The following DSTYK variants were observed in gnomAD, a reference collection of about 807,000 sequenced individuals.
DSTYK encodes RIP-homologous kinase.
DSTYK carries 34 observed loss-of-function variants against 98.7 expected under a neutral mutation model. The observed-to-expected ratio is 0.34, with a 90% CI of 0.26 to 0.46. DSTYK has a LOEUF of 0.46. Ranked by LOEUF, DSTYK falls within the 20% of genes least tolerant of loss-of-function variation. DSTYK has a pLI of 1.00. For synonymous variants in DSTYK, 462 were observed against 457.3 expected, an observed-to-expected ratio of 1.01 and a Z score of -0.13; for missense variants, 962 against 1,181.7, an observed-to-expected ratio of 0.81 and a Z score of 2.73.
At chr1:205,160,489 C>T (rs1027562670) in intron 7 of DSTYK, among the ~76,000 whole-genome samples, 14 of 152,216 alleles carry the variant, frequency 9.2e-5, no homozygotes, top group African/African-American at 3.4e-4. Context: ...GCATACGCCA[C>T]CACGCACAGC....
intron 12 of DSTYK, 113 bp downstream of exon 12, chr1:205,148,092 A>G: frequency 7.9e-7 from 1 of 1,271,134 alleles, no homozygotes; most frequent in Non-Finnish European, 1.1e-6. Flanking sequence ...AAACGTATCT[A>G]CGGCCCTGCT....
chr1:205,194,794 C>T (rs1256527257), intron 1 of DSTYK, among the ~76,000 whole-genome samples: 6 of 148,892 alleles, frequency 4.0e-5, no homozygotes, highest in Non-Finnish European at 9.0e-5. Flanking sequence ...CTCCCTGGTT[C>T]AAGCAATTCC....
chr1:205,202,717 A>G, intron 1 of DSTYK: 1 of 840,552 alleles, frequency 1.2e-6, no homozygotes. Context: ...GAAACTGAAG[A>G]AACAAAAACT....
intron 5 of DSTYK, 45 bp from the exon 6 acceptor site, chr1:205,162,257 G>T (rs1657749407): frequency 1.2e-6 from 2 of 1,601,434 alleles, no homozygotes; most frequent in East Asian, 4.5e-5. Flanking sequence ...TGAGAGACAA[G>T]AACCACTACA....
intron 1 of DSTYK, among the ~76,000 whole-genome samples, chr1:205,195,800 C>T (rs1658849077): frequency 6.6e-6 from 1 of 152,212 alleles, no homozygotes; most frequent in African/African-American, 2.4e-5. Flanking sequence ...TCCCTGGGAG[C>T]CACGTGAAAT....
chr1:205,199,714 T>C (rs900312210), intron 1 of DSTYK, among the ~76,000 whole-genome samples: 3 of 152,180 alleles, frequency 2.0e-5, no homozygotes, highest in Non-Finnish European at 4.4e-5. Context: ...AGTCTTGTTA[T>C]GAATGACACT....
intron 11 of DSTYK, among the ~76,000 whole-genome samples, chr1:205,148,755 TTA>T (rs1265130130): frequency 6.6e-6 from 1 of 152,144 alleles, no homozygotes; most frequent in African/African-American, 2.4e-5. Flanking sequence ...AGGAAGTCAT[TTA>T]TGTTTTAGAG....
At chr1:205,157,457 C>T in intron 9 of DSTYK, 71 bp from the exon 10 acceptor site, 2 of 1,260,546 alleles carry the variant, frequency 1.6e-6, no homozygotes, top group Non-Finnish European at 1.2e-6. Context: ...TACTAGGGCA[C>T]ATGAGGACAG....
In DSTYK at chr1:205,143,043, T is replaced by A. The variant is rs554071550; in HGVS notation, c.*4515A>T. 1 of 152,232 alleles carries A rather than the reference T, an allele frequency of 6.6e-6. No homozygotes were observed. The highest frequency in any genetic ancestry group is 1.5e-5 in the Non-Finnish European group (1 of 68,050). The allele number at this position is 152,232 out of a possible 1,614,324, so 9.4% of individuals were successfully genotyped here. A position where few individuals can be genotyped will look rare whatever the true frequency, so the allele number is the denominator to read the frequency against. Reference sequence around the variant, plus strand: ...GCTACTGGAAACCTCCAGGAGAGTTTGGAATACAAGTGTCTCAAGGCCACT... The same window carrying A: ...GCTACTGGAAACCTCCAGGAGAGTTAGGAATACAAGTGTCTCAAGGCCACT... On this transcript the variant is annotated 3_prime_UTR_variant, in exon 13 of 13. Transcript: ENST00000367162.
intron 2 of DSTYK, among the ~76,000 whole-genome samples, chr1:205,181,656 T>TGTGTGTGTGTGTGTG (rs1558616449): frequency 3.0e-4 from 43 of 142,640 alleles, no homozygotes; most frequent in East Asian, 1.7e-3. Context: ...ATGTTGGGGT[T>TGTGTGTGTGTGTGTG]TGTGTGTGTG....
chr1:205,205,118 AT>A (rs1659160560), intron 1 of DSTYK, among the ~76,000 whole-genome samples: 1 of 152,212 alleles, frequency 6.6e-6, no homozygotes, highest in Non-Finnish European at 1.5e-5. Flanking sequence ...ATTATCTTTT[AT>A]TAAAAGTAAT....
intron 1 of DSTYK, among the ~76,000 whole-genome samples, chr1:205,208,214 C>T (rs762325375): frequency 1.4e-4 from 21 of 152,288 alleles, no homozygotes; most frequent in South Asian, 2.1e-4. Context: ...ATGTACATTA[C>T]ATATTCTCTA....
chr1:205,166,626 G>A (rs1657898863), intron 3 of DSTYK, among the ~76,000 whole-genome samples: 1 of 152,200 alleles, frequency 6.6e-6, no homozygotes, highest in Admixed American at 6.5e-5. Flanking sequence ...CCTCCATTCT[G>A]TGTAATATGA....
At chr1:205,155,977 A>AGAG (rs1460607325) in intron 10 of DSTYK, among the ~76,000 whole-genome samples, 1 of 152,228 alleles carries the variant, frequency 6.6e-6, no homozygotes, top group African/African-American at 2.4e-5. Flanking sequence ...CACATAGCTC[A>AGAG]GGCCATTGCT....
At position 205,187,664 on chromosome 1, in the gene DSTYK, C is replaced by T. The variant is rs750676400; in HGVS notation, c.408G>A (p.Val136=). 3.7e-6 allele frequency: 6 copies of T among 1,614,090 alleles called. No individual in the cohort carries two copies. Among genetic ancestry groups the T allele is most frequent in the East Asian group, 2.2e-5 (1 of 44,892 alleles). ...CACTGCCCAGCTTGGTGGTGGGAAG[C>T]ACCTGCACCCCCAACAGCAGATTCA... The part of the protein sequence containing the change: ...QLLNLLLGVQ[V]LPTTKLGSEE... The change falls in exon 2 of 13, where the codon GTG becomes GTA. Residue 136 remains valine, a synonymous_variant. Transcript: ENST00000367162.
Position 205,160,213 on chromosome 1 carries a change from C to T in DSTYK, c.2006G>A (p.Cys669Tyr). 6.2e-7 allele frequency: 1 copy of T among 1,614,150 alleles called. No individual in the cohort carries two copies. The highest frequency in any genetic ancestry group is 8.5e-7 in the Non-Finnish European group (1 of 1,180,028). Residue 669 changes from cysteine to tyrosine, a missense_variant, in exon 8 of 13, where the codon TGT becomes TAT. Around this residue, in one of 4 missense-constraint regions of DSTYK, gnomAD observed 660 missense variants for 855.0 expected, o/e 0.77. Coordinates refer to ENST00000367162, the MANE Select transcript of DSTYK (RefSeq NM_015375.3). ...GRGQYGVVYL[C>Y]DNWGGHFPCA... The stretch of plus-strand genomic sequence containing the variant: ...AGGGAAGTGTCCTCCCCAGTTGTCA[C>T]ACAGGTATACCACACCATACTGGCC...
intron 1 of DSTYK, among the ~76,000 whole-genome samples, chr1:205,188,149 A>T (rs1237450208): frequency 2.0e-5 from 3 of 152,164 alleles, no homozygotes; most frequent in Admixed American, 6.5e-5. Context: ...AAACACCAAG[A>T]TTATTAAAAT....
chr1:205,175,030 C>G (rs887732353), intron 2 of DSTYK, among the ~76,000 whole-genome samples: 9 of 151,852 alleles, frequency 5.9e-5, no homozygotes, highest in Non-Finnish European at 1.0e-4. Flanking sequence ...AGCCACCGTG[C>G]CCTGCCATGG....
chr1:205,199,114 T>C (rs1658952849), intron 1 of DSTYK, among the ~76,000 whole-genome samples: 1 of 152,222 alleles, frequency 6.6e-6, no homozygotes, highest in African/African-American at 2.4e-5. Flanking sequence ...TATCATTAGT[T>C]AGACAAGTGA....
Sources: gnomAD v4.1 joint callset for allele counts (sites outside exome capture counted in the v4.1 genomes callset) on GRCh38, gnomAD v4.1.1 for gene constraint, gnomAD v4.1.1 regional missense constraint, MANE v1.5 for transcripts, NCBI Gene and HGNC (gene_info 2026-07-23, HGNC 2026-07-21) for gene names.